Variants in RBFOX3 observed in about 807,000 individuals in gnomAD.
The protein encoded by RBFOX3 is RNA binding fox-1 homolog 3, also known as RNA binding protein fox-1 homolog 3.
Under a neutral mutation model 48.7 loss-of-function variants are expected in RBFOX3, and 17 were observed. The observed-to-expected ratio is 0.35, with a 90% confidence interval of 0.24 to 0.52. RBFOX3 has a LOEUF of 0.52. Ranked by LOEUF, RBFOX3 falls within the 20% of genes least tolerant of loss-of-function variation. The pLI is 0.94. For missense variants in RBFOX3, 382 were observed against 497.5 expected (o/e 0.77, Z 2.21); for synonymous variants, 212 against 209.5 (o/e 1.01, Z -0.10).
At chr17:79,101,451 C>T (rs2076420665) in intron 9 of RBFOX3, 133 bp downstream of exon 9, 4 of 808,798 alleles carry the variant, frequency 4.9e-6, no homozygotes, top group Non-Finnish European at 8.2e-6. Context: ...GAGCGGCAGC[C>T]CCAGGGCTGG....
chr17:79,225,717 CGGAGG>C (rs1288301341), intron 4 of RBFOX3, among the ~76,000 whole-genome samples: 1 of 152,166 alleles, frequency 6.6e-6, no homozygotes, highest in Non-Finnish European at 1.5e-5. Context: ...TGGGCAGAGC[CGGAGG>C]GGGTACTGGG....
At chr17:79,415,524 G>A (rs1770876674) in intron 2 of RBFOX3, among the ~76,000 whole-genome samples, 1 of 152,218 alleles carries the variant, frequency 6.6e-6, no homozygotes, top group Non-Finnish European at 1.5e-5. Flanking sequence ...ATGGAGGAGA[G>A]AGAAACTCCC....
At chr17:79,307,557 A>G (rs1009594847) in intron 3 of RBFOX3, among the ~76,000 whole-genome samples, 167 bp downstream of exon 3, 1 of 152,216 alleles carries the variant, frequency 6.6e-6, no homozygotes, top group African/African-American at 2.4e-5. Flanking sequence ...GGAGTTAGGG[A>G]ACCCCATGGT....
intron 2 of RBFOX3, among the ~76,000 whole-genome samples, chr17:79,428,300 A>G (rs1555726646): frequency 6.6e-6 from 1 of 152,196 alleles, no homozygotes; most frequent in East Asian, 1.9e-4. Flanking sequence ...GGCAGGTGCC[A>G]TGGGGGAGCT....
intron 1 of RBFOX3, among the ~76,000 whole-genome samples, chr17:79,496,818 G>T (rs921485301): frequency 5.3e-5 from 8 of 152,170 alleles, no homozygotes; most frequent in African/African-American, 1.9e-4. Context: ...AGATTGTCAC[G>T]TGAATGCCGA....
chr17:79,459,010 T>G (rs532851377), intron 2 of RBFOX3, among the ~76,000 whole-genome samples: 12 of 152,312 alleles, frequency 7.9e-5, no homozygotes, highest in African/African-American at 2.9e-4. Flanking sequence ...CCTCCACCTG[T>G]GCCCACTTCG....
chr17:79,190,441 A>ATAACAAAAAAAAAACG, intron 4 of RBFOX3, among the ~76,000 whole-genome samples: 1 of 92,304 alleles, frequency 1.1e-5, no homozygotes, highest in Non-Finnish European at 2.7e-5. Context: ...ACAAAAAAAC[A>ATAACAAAAAAAAAACG]GAGTGAAGAA....
intron 1 of RBFOX3, among the ~76,000 whole-genome samples, chr17:79,543,416 A>G (rs1197743728): frequency 6.6e-6 from 1 of 152,124 alleles, no homozygotes; most frequent in Non-Finnish European, 1.5e-5. Context: ...GCCAATGTTC[A>G]TCACCCTCTG....
At chr17:79,356,126 C>T (rs1267708639) in intron 2 of RBFOX3, among the ~76,000 whole-genome samples, 2 of 152,150 alleles carry the variant, frequency 1.3e-5, no homozygotes, top group Non-Finnish European at 2.9e-5. Flanking sequence ...GTGTTCTTGG[C>T]TCTTGACTTT....
intron 3 of RBFOX3, among the ~76,000 whole-genome samples, chr17:79,285,399 T>C (rs933394763): frequency 3.3e-5 from 5 of 152,374 alleles, no homozygotes; most frequent in East Asian, 3.9e-4. Flanking sequence ...TTCATAACCA[T>C]ATATTCCTGC....
At position 79,178,053 on chromosome 17, in the gene RBFOX3, G is replaced by A. The variant is rs371350556; in HGVS notation, c.-34+57713C>T. ...CTGAGCAACCCGCCGATCCTCCACC[G>A]AGCAGCCCCCATCTGTGTCCAGGGC... On this transcript the variant is annotated intron_variant, in intron 4 of 14. Transcript: ENST00000693108. Among the ~76,000 whole-genome samples, 97 of 152,148 alleles carry A rather than the reference G, an allele frequency of 6.4e-4. 1 individual carries two copies. The highest frequency in any genetic ancestry group is 6.1e-3 in the Admixed American group (93 of 15,274).
intron 1 of RBFOX3, among the ~76,000 whole-genome samples, chr17:79,595,648 G>A (rs887019841): frequency 4.6e-5 from 7 of 152,028 alleles, no homozygotes; most frequent in Admixed American, 6.6e-5. Context: ...CATGCCAGCC[G>A]CGCAGAGGGG....
At chr17:79,315,601 T>C (rs1331822316) in intron 2 of RBFOX3, among the ~76,000 whole-genome samples, 1 of 152,254 alleles carries the variant, frequency 6.6e-6, no homozygotes. Flanking sequence ...TCTCACACGG[T>C]TACACTTTCA....
intron 4 of RBFOX3, among the ~76,000 whole-genome samples, chr17:79,116,558 TGA>T (rs1488160947): frequency 6.6e-6 from 1 of 152,212 alleles, no homozygotes; most frequent in Non-Finnish European, 1.5e-5. Flanking sequence ...AAAGCAGAAG[TGA>T]GAGGGCGGCG....
At chr17:79,382,248 T>A (rs569309958) in intron 2 of RBFOX3, among the ~76,000 whole-genome samples, 31 of 152,294 alleles carry the variant, frequency 2.0e-4, no homozygotes, top group African/African-American at 7.0e-4. Context: ...CACTCGTTCA[T>A]CTGCTGTCCA....
chr17:79,605,101 G>A (rs912734813), intron 1 of RBFOX3, among the ~76,000 whole-genome samples: 2 of 152,168 alleles, frequency 1.3e-5, no homozygotes, highest in Admixed American at 1.3e-4. Context: ...CTCTGAATGC[G>A]CCCTTGGTTT....
chr17:79,329,314 C>G (rs960089605), intron 2 of RBFOX3, among the ~76,000 whole-genome samples: 1 of 152,116 alleles, frequency 6.6e-6, no homozygotes, highest in East Asian at 1.9e-4. Context: ...CCAGTGTACC[C>G]GTCATGGTCA....
chr17:79,228,333 C>G (rs145179963), intron 4 of RBFOX3, among the ~76,000 whole-genome samples: 2 of 152,274 alleles, frequency 1.3e-5, no homozygotes, highest in Admixed American at 6.5e-5. Context: ...TGACGCCTCC[C>G]GCTCCCTGAA....
chr17:79,500,350 G>A (rs982173707), intron 1 of RBFOX3, among the ~76,000 whole-genome samples: 8 of 147,070 alleles, frequency 5.4e-5, no homozygotes, highest in Middle Eastern at 3.6e-3. Context: ...CTCCGCCTCC[G>A]GGGTTCAAGT....
Sources: gnomAD v4.1 joint callset for allele counts (sites outside exome capture counted in the v4.1 genomes callset) on GRCh38, gnomAD v4.1.1 for gene constraint, MANE v1.5 for transcripts, NCBI Gene and HGNC (gene_info 2026-07-23, HGNC 2026-07-21) for gene names.